Variants in SOX13 observed in about 807,000 individuals in gnomAD.
The protein encoded by SOX13 is SRY-box transcription factor 13, also known as transcription factor SOX-13.
SOX13 carries 28 observed loss-of-function variants against 71.8 expected under a neutral mutation model. The ratio of observed to expected loss-of-function variants is 0.39; its 90% CI spans 0.29 to 0.53. The LOEUF is 0.53. Ranked by LOEUF, SOX13 falls within the 20% of genes least tolerant of loss-of-function variation. The pLI is 0.70. For synonymous variants in SOX13, 309 were observed against 317.8 expected (o/e 0.97, Z 0.29); for missense variants, 627 against 810.3 (o/e 0.77, Z 2.75).
chr1:204,123,101 T>C lies in SOX13; in HGVS notation c.1135-11T>C, dbSNP rs1656845108. The C allele has an allele frequency of 1.2e-6, 2 of 1,606,906 alleles. No homozygotes were observed. The highest frequency in any genetic ancestry group is 1.7e-6 in the Non-Finnish European group (2 of 1,173,506). ...GAGGAGGCTGATGTCAGGTTGCCCC[T>C]GTCAACCTAGGACCTCATCAGCCTG... On this transcript the variant is annotated splice_polypyrimidine_tract_variant and intron_variant, in intron 10 of 13. Transcript: ENST00000367204. This position sits in a 1 kb window ranked among gnomAD's most constrained non-coding sequence, Gnocchi z 5.0.
At chr1:204,090,259 A>G (rs374529843) in intron 1 of SOX13, among the ~76,000 whole-genome samples, 1 of 151,970 alleles carries the variant, frequency 6.6e-6, no homozygotes. Flanking sequence ...AGGCAGGGAG[A>G]GCATGGGCCT....
At position 204,073,975 on chromosome 1, in the gene SOX13, TTG is replaced by T. The variant is rs61199162; in HGVS notation, c.-2+288_-2+289del. On this transcript the variant is annotated intron_variant, in intron 1 of 13. Transcript: ENST00000367204. This position sits in a 1 kb window ranked among gnomAD's most constrained non-coding sequence, Gnocchi z 6.8. ...AGGCAGTGCGTGGCTGTGTGTGTGT[TTG>T]TGTGTGTGTGTGTGTGTGTGTGTAC... The T allele has an allele frequency of 2.8e-3, 421 of 150,054 alleles. 8 individuals carry two copies. In the East Asian group the frequency reaches 0.037, roughly 13 times the overall value. 9.3% of individuals were successfully genotyped at this position (150,054 alleles called of 1,614,324 possible). A position where few individuals can be genotyped will look rare whatever the true frequency, so the allele number is the denominator to read the frequency against.
intron 1 of SOX13, among the ~76,000 whole-genome samples, chr1:204,099,513 C>A (rs1484567943): frequency 6.8e-6 from 1 of 146,346 alleles, no homozygotes; most frequent in East Asian, 2.1e-4. Context: ...GCAGCCCCAA[C>A]CTCCTGTGCT....
At chr1:204,096,241 T>G (rs1422237833) in intron 1 of SOX13, among the ~76,000 whole-genome samples, 1 of 132,250 alleles carries the variant, frequency 7.6e-6, no homozygotes, top group East Asian at 2.1e-4. Flanking sequence ...TTTCTTTCGT[T>G]TTTTTTTTTT....
At chr1:204,109,358 A>G (rs1206306104) in intron 1 of SOX13, among the ~76,000 whole-genome samples, 2 of 152,332 alleles carry the variant, frequency 1.3e-5, no homozygotes, top group Middle Eastern at 3.4e-3. Context: ...TCAACGACCG[A>G]ACACATATAG....
intron 1 of SOX13, among the ~76,000 whole-genome samples, chr1:204,097,509 T>C (rs1011587175): frequency 1.6e-4 from 24 of 151,890 alleles, no homozygotes; most frequent in Admixed American, 1.5e-3. Flanking sequence ...CTGACCAACA[T>C]GGAGAAACCC....
chr1:204,121,011 G>A (rs1055830948), intron 7 of SOX13, among the ~76,000 whole-genome samples: 11 of 142,406 alleles, frequency 7.7e-5, no homozygotes, highest in Admixed American at 5.8e-4. Flanking sequence ...ACAGAGTCTC[G>A]CTCTGTCCCC....
Position 204,122,248 on chromosome 1 carries a change from G to A in SOX13, c.873G>A (p.Gln291=), listed in dbSNP as rs1656823056. ...ATHHPLQEPS[Q]PLNLTAKPKA... is the part of the protein sequence containing the mutation. ...TGGGTCTCCCTCAGGAGCCCTCCCA[G>A]CCCCTGAACCTCACAGCCAAGCCCA... Residue 291 remains glutamine, a synonymous_variant, in exon 9 of 14, where the codon CAG becomes CAA. Coordinates refer to ENST00000367204, the MANE Select transcript of SOX13 (RefSeq NM_005686.3). The A allele has an allele frequency of 1.1e-5, 18 of 1,582,700 alleles. No individual in the cohort carries two copies. Among genetic ancestry groups the A allele is most frequent in the Non-Finnish European group, 1.5e-5 (18 of 1,165,152 alleles).
At chr1:204,122,527 G>A (rs1465856231) in intron 9 of SOX13, 128 bp downstream of exon 9, 1 of 725,376 alleles carries the variant, frequency 1.4e-6, no homozygotes, top group Non-Finnish European at 2.3e-6. Flanking sequence ...GGTTAGACTT[G>A]CTCTTAGCAG....
intron 1 of SOX13, among the ~76,000 whole-genome samples, chr1:204,106,724 C>CA (rs1656478426): frequency 1.3e-5 from 2 of 152,114 alleles, no homozygotes; most frequent in Admixed American, 1.3e-4. Context: ...AAGCTGGTCT[C>CA]AAACTCCTGA....
intron 1 of SOX13, among the ~76,000 whole-genome samples, chr1:204,111,478 T>C (rs1656578571): frequency 1.3e-5 from 2 of 152,050 alleles, no homozygotes; most frequent in South Asian, 4.1e-4. Flanking sequence ...TGGAAACCAC[T>C]CCCTGAGATG....
chr1:204,117,541 T>C, intron 6 of SOX13, 52 bp from the exon 7 acceptor site: 1 of 1,170,780 alleles, frequency 8.5e-7, no homozygotes. Context: ...TGACCATAGC[T>C]GGGTAGCTCT....
intron 1 of SOX13, among the ~76,000 whole-genome samples, chr1:204,096,576 C>A (rs1004708255): frequency 1.3e-5 from 2 of 151,978 alleles, no homozygotes; most frequent in African/African-American, 4.8e-5. Context: ...GCCACCACAC[C>A]TGGCTAATTT....
At chr1:204,111,752 C>T (rs1318081804) in intron 1 of SOX13, among the ~76,000 whole-genome samples, 1 of 116,938 alleles carries the variant, frequency 8.6e-6, no homozygotes, top group Non-Finnish European at 1.6e-5. Context: ...ATTAGGTTGT[C>T]CAGACTGGCC....
intron 1 of SOX13, among the ~76,000 whole-genome samples, chr1:204,105,450 G>A (rs943007586): frequency 7.3e-6 from 1 of 137,128 alleles, no homozygotes; most frequent in African/African-American, 3.1e-5. Flanking sequence ...CAGTCACCCA[G>A]GCTGGAGTGC....
chr1:204,126,135 T>A lies in SOX13; in HGVS notation c.*1T>A. 3 of 1,612,584 alleles carry A rather than the reference T, an allele frequency of 1.9e-6. No homozygotes were observed. In the South Asian group the frequency reaches 3.3e-5, roughly 18 times the overall value. On this transcript the variant is annotated 3_prime_UTR_variant, in exon 14 of 14. Transcript: ENST00000367204. The stretch of plus-strand genomic sequence containing the variant: ...GGAGTTGGTGGTGCTCACAGACTGA[T>A]CCCGGCTGGGTGGGCCTGGCCCCTT...
chr1:204,101,518 A>AAAAAAAT (rs61242533), intron 1 of SOX13, among the ~76,000 whole-genome samples: 1 of 149,358 alleles, frequency 6.7e-6, no homozygotes, highest in Non-Finnish European at 1.5e-5. Context: ...AAAAAAAAAA[A>AAAAAAAT]GTGGCAGGAG....
intron 1 of SOX13, among the ~76,000 whole-genome samples, chr1:204,093,127 G>A (rs1656180614): frequency 6.6e-6 from 1 of 152,186 alleles, no homozygotes; most frequent in South Asian, 2.1e-4. Context: ...GGGGACGTGG[G>A]GGAGGTGGAC....
intron 1 of SOX13, among the ~76,000 whole-genome samples, chr1:204,085,014 G>A (rs1475334539): frequency 1.3e-5 from 2 of 152,198 alleles, no homozygotes; most frequent in East Asian, 1.9e-4. Flanking sequence ...GAAGAAAGAC[G>A]TGGTGAATGT....
Sources: allele counts gnomAD v4.1 joint callset (sites outside exome capture counted in the v4.1 genomes callset), GRCh38; gene constraint gnomAD v4.1.1; non-coding constraint Gnocchi (gnomAD v3.1); transcripts MANE v1.5; gene names NCBI Gene and HGNC (gene_info 2026-07-23, HGNC 2026-07-21).